TTC27: variants seen among roughly 807,000 people sequenced by gnomAD.
TTC27 encodes the protein tetratricopeptide repeat domain 27.
In TTC27, 79 loss-of-function variants were observed where a neutral mutation model predicts 115.9. The observed-to-expected ratio is 0.68, with a 90% CI of 0.57 to 0.82. The LOEUF (loss-of-function observed/expected upper bound fraction) is 0.82, where lower values mean the gene tolerates loss of function less well. Ranked by LOEUF, TTC27 falls within the 40% of genes least tolerant of loss-of-function variation. The pLI, the probability that TTC27 is intolerant of heterozygous loss-of-function variation, is 0.00. For missense variants in TTC27, 1,054 were observed against 993.1 expected (o/e 1.06, Z -0.82); for synonymous variants, 401 against 356.0 (o/e 1.13, Z -1.42).
intron 16 of TTC27, among the ~76,000 whole-genome samples, chr2:32,794,344 TAATC>T: frequency 6.6e-6 from 1 of 152,264 alleles, no homozygotes; most frequent in East Asian, 1.9e-4. Context: ...AACACACTCT[TAATC>T]AATGGATCAA....
At chr2:32,649,767 A>G (rs1665015250) in intron 4 of TTC27, among the ~76,000 whole-genome samples, 2 of 151,944 alleles carry the variant, frequency 1.3e-5, no homozygotes, top group Non-Finnish European at 2.9e-5. Context: ...GCTGGTCTTG[A>G]ACTCCTGACC....
chr2:32,811,337 T>G, intron 17 of TTC27, 116 bp downstream of exon 17: 1 of 971,050 alleles, frequency 1.0e-6, no homozygotes, highest in Non-Finnish European at 1.5e-6. Flanking sequence ...ATTAGTATGC[T>G]TAAGTTCAGT....
At chr2:32,725,416 C>G (rs1007237047) in intron 10 of TTC27, among the ~76,000 whole-genome samples, 2 of 151,994 alleles carry the variant, frequency 1.3e-5, no homozygotes, top group Non-Finnish European at 2.9e-5. Flanking sequence ...GAGAAATTGA[C>G]CAAAACAAAG....
intron 12 of TTC27, among the ~76,000 whole-genome samples, chr2:32,741,889 A>G (rs1199859003): frequency 6.6e-6 from 1 of 152,148 alleles, no homozygotes; most frequent in African/African-American, 2.4e-5. Context: ...TCCAAAAACA[A>G]ATTATGAGAT....
At chr2:32,713,275 T>G (rs1173176029) in intron 10 of TTC27, among the ~76,000 whole-genome samples, 1 of 152,186 alleles carries the variant, frequency 6.6e-6, no homozygotes, top group Non-Finnish European at 1.5e-5. Flanking sequence ...AATCCAAATG[T>G]GAAGCAAATT....
chr2:32,807,909 T>G (rs1018899411), intron 16 of TTC27, among the ~76,000 whole-genome samples: 3 of 150,702 alleles, frequency 2.0e-5, no homozygotes, highest in African/African-American at 7.3e-5. Context: ...GTTCGATGAG[T>G]GAGTTCTCTA....
chr2:32,778,003 C>T (rs1344466522), intron 14 of TTC27, 23 bp downstream of exon 14: 1 of 1,607,168 alleles, frequency 6.2e-7, no homozygotes, highest in Non-Finnish European at 8.5e-7. Flanking sequence ...GATCTTCTGT[C>T]CTTACGTGGC....
At chr2:32,807,824 C>T (rs1055116605) in intron 16 of TTC27, among the ~76,000 whole-genome samples, 2 of 151,942 alleles carry the variant, frequency 1.3e-5, no homozygotes, top group East Asian at 1.9e-4. Flanking sequence ...CTTTGTAGAT[C>T]GACTTTCCTT....
At chr2:32,798,573 T>C (rs1572624460) in intron 16 of TTC27, among the ~76,000 whole-genome samples, 2 of 146,598 alleles carry the variant, frequency 1.4e-5, no homozygotes, top group Non-Finnish European at 3.0e-5. Flanking sequence ...GGCGTGGTGG[T>C]GGGCGCCTGT....
At chr2:32,680,591 C>T (rs1666383914) in intron 9 of TTC27, among the ~76,000 whole-genome samples, 1 of 151,758 alleles carries the variant, frequency 6.6e-6, no homozygotes. Flanking sequence ...TGGGGGAAGG[C>T]TAGGGAAGGT....
intron 4 of TTC27, among the ~76,000 whole-genome samples, chr2:32,640,881 C>G (rs917319947): frequency 6.6e-6 from 1 of 152,064 alleles, no homozygotes; most frequent in Non-Finnish European, 1.5e-5. Context: ...ACTTGGGAGG[C>G]TGAGGCAGGA....
intron 10 of TTC27, among the ~76,000 whole-genome samples, chr2:32,724,460 T>C (rs1668042779): frequency 1.3e-5 from 2 of 152,190 alleles, no homozygotes; most frequent in South Asian, 4.2e-4. Context: ...ACTGTGCTAG[T>C]AGTCACTGAA....
intron 18 of TTC27, among the ~76,000 whole-genome samples, chr2:32,816,965 A>G (rs184738293): frequency 2.6e-5 from 4 of 152,178 alleles, no homozygotes; most frequent in South Asian, 2.1e-4. Flanking sequence ...TTATTTGTCT[A>G]TGCACATGTG....
intron 9 of TTC27, among the ~76,000 whole-genome samples, chr2:32,701,371 A>T (rs1210346291): frequency 1.3e-5 from 2 of 152,222 alleles, no homozygotes; most frequent in Non-Finnish European, 1.5e-5. Context: ...TCATATCTTA[A>T]TTTAGCTATT....
chr2:32,690,857 C>G (rs955860008), intron 9 of TTC27, among the ~76,000 whole-genome samples: 30 of 152,086 alleles, frequency 2.0e-4, no homozygotes, highest in African/African-American at 6.8e-4. Context: ...AATTAAAAAG[C>G]GGGGATAGTT....
intron 7 of TTC27, among the ~76,000 whole-genome samples, chr2:32,671,960 G>A (rs1666030351): frequency 6.6e-6 from 1 of 152,210 alleles, no homozygotes; most frequent in Non-Finnish European, 1.5e-5. Flanking sequence ...GTCTATGATT[G>A]TTGTGAGGAA....
chr2:32,719,441 A>G (rs1318614922), intron 10 of TTC27, among the ~76,000 whole-genome samples: 2 of 152,216 alleles, frequency 1.3e-5, no homozygotes, highest in Non-Finnish European at 2.9e-5. Flanking sequence ...CATCAAATAT[A>G]TTAACACAGG....
chr2:32,758,925 G>A (rs746814712), intron 13 of TTC27, among the ~76,000 whole-genome samples: 1 of 152,074 alleles, frequency 6.6e-6, no homozygotes, highest in Admixed American at 6.6e-5. Context: ...AAATAGGATA[G>A]CATATAGAAT....
intron 7 of TTC27, 34 bp downstream of exon 7, chr2:32,666,802 A>G: frequency 6.2e-7 from 1 of 1,604,542 alleles, no homozygotes; most frequent in African/African-American, 1.3e-5. Flanking sequence ...AATTCAATTA[A>G]CACCTGAGTC....
Sources: allele counts gnomAD v4.1 joint callset (sites outside exome capture counted in the v4.1 genomes callset), GRCh38; gene constraint gnomAD v4.1.1; transcripts MANE v1.5; gene names NCBI Gene and HGNC (gene_info 2026-07-23, HGNC 2026-07-21).